The following FTCDNL1 variants were observed in gnomAD, a reference collection of about 807,000 sequenced individuals.
FTCDNL1 encodes the protein formiminotransferase cyclodeaminase N-terminal like.
FTCDNL1 carries 11 observed loss-of-function variants against 5.9 expected under a neutral mutation model. The ratio of observed to expected loss-of-function variants is 1.87; its 90% CI spans 1.18 to 3.10. The LOEUF is 3.10. FTCDNL1 is among the 30% of genes most tolerant of loss of function. The pLI is 0.00. For missense variants in FTCDNL1, 115 were observed against 65.5 expected, an observed-to-expected ratio of 1.76 and a Z score of -2.61; for synonymous variants, 58 against 24.8, an observed-to-expected ratio of 2.34 and a Z score of -3.99.
chr2:199,666,559 ACACT>A, the FTCDNL1 span, among the ~76,000 whole-genome samples: 2 of 152,170 alleles, frequency 1.3e-5, no homozygotes, highest in Non-Finnish European at 2.9e-5. Flanking sequence ...CCAATGCAAA[ACACT>A]CACAACTCTC....
At chr2:199,789,830 A>G (rs1310008925) in intron 3 of FTCDNL1, among the ~76,000 whole-genome samples, 3 of 152,140 alleles carry the variant, frequency 2.0e-5, no homozygotes, top group African/African-American at 7.2e-5. Context: ...TTAGAGATAG[A>G]AAACAGGAAA....
intron 2 of FTCDNL1, among the ~76,000 whole-genome samples, chr2:199,847,877 G>C (rs949642456): frequency 1.4e-4 from 21 of 152,314 alleles, no homozygotes; most frequent in Admixed American, 1.2e-3. Flanking sequence ...TTTCTTATCA[G>C]CAATTATCAG....
the FTCDNL1 span, among the ~76,000 whole-genome samples, chr2:199,737,610 T>G: frequency 6.6e-6 from 1 of 152,134 alleles, no homozygotes; most frequent in African/African-American, 2.4e-5. Context: ...TTTAGAGAGA[T>G]GAAATGTGTA....
At chr2:199,698,988 A>G in the FTCDNL1 span, among the ~76,000 whole-genome samples, 1 of 152,212 alleles carries the variant, frequency 6.6e-6, no homozygotes, top group African/African-American at 2.4e-5. Flanking sequence ...ATTAAGAACA[A>G]TTCTATGTAC....
the FTCDNL1 span, among the ~76,000 whole-genome samples, chr2:199,700,557 AT>A: frequency 6.6e-6 from 1 of 152,232 alleles, no homozygotes; most frequent in South Asian, 2.1e-4. Context: ...TAAAATTAAT[AT>A]GGAATCAAAA....
At chr2:199,760,606 G>C in exon 4 of FTCDNL1, 1 of 512,232 alleles carries the variant, frequency 2.0e-6, no homozygotes, top group Non-Finnish European at 3.5e-6. Context: ...AAGATACATG[G>C]GGAAACATTC....
the FTCDNL1 span, among the ~76,000 whole-genome samples, chr2:199,724,893 T>A: frequency 6.6e-6 from 1 of 152,126 alleles, no homozygotes; most frequent in Admixed American, 6.5e-5. Flanking sequence ...CAGATTTCCA[T>A]CAGGTTCACT....
the FTCDNL1 span, among the ~76,000 whole-genome samples, chr2:199,707,818 T>C: frequency 6.6e-6 from 1 of 152,110 alleles, no homozygotes; most frequent in African/African-American, 2.4e-5. Context: ...GTAATTTATG[T>C]CTTTGTTCAT....
the FTCDNL1 span, among the ~76,000 whole-genome samples, chr2:199,736,636 A>G: frequency 2.0e-5 from 3 of 152,232 alleles, no homozygotes; most frequent in Non-Finnish European, 4.4e-5. Flanking sequence ...CTTAGATTCA[A>G]TTAGAGAAGA....
the FTCDNL1 span, among the ~76,000 whole-genome samples, chr2:199,668,303 AT>A: frequency 3.2e-3 from 481 of 152,350 alleles, 2 homozygotes; most frequent in African/African-American, 0.011. Flanking sequence ...TTTTTCATAA[AT>A]AGGAGGGAGT....
At chr2:199,775,671 C>T (rs1047400694) in intron 3 of FTCDNL1, among the ~76,000 whole-genome samples, 2 of 152,172 alleles carry the variant, frequency 1.3e-5, no homozygotes, top group African/African-American at 4.8e-5. Context: ...TCATTCTCCA[C>T]TGTTCCCCCT....
intron 3 of FTCDNL1, among the ~76,000 whole-genome samples, chr2:199,843,952 GA>G (rs11363915): frequency 0.54 from 80,297 of 147,982 alleles, 21,738 homozygotes; most frequent in Middle Eastern, 0.59. Flanking sequence ...GGGAAAAAAG[GA>G]AAAAAAAAAA....
chr2:199,688,386 GACC>G, the FTCDNL1 span, among the ~76,000 whole-genome samples: 1 of 152,072 alleles, frequency 6.6e-6, no homozygotes, highest in Non-Finnish European at 1.5e-5. Flanking sequence ...AAGCTTCTTA[GACC>G]CCAGGAGCCA....
At chr2:199,793,800 T>G (rs927592226) in intron 3 of FTCDNL1, among the ~76,000 whole-genome samples, 1 of 152,176 alleles carries the variant, frequency 6.6e-6, no homozygotes, top group South Asian at 2.1e-4. Flanking sequence ...CACTAAAAAG[T>G]AGGGAAAATT....
At chr2:199,732,819 T>C in the FTCDNL1 span, among the ~76,000 whole-genome samples, 2 of 152,228 alleles carry the variant, frequency 1.3e-5, no homozygotes, top group African/African-American at 4.8e-5. Flanking sequence ...GGATAAGTGA[T>C]CAAGGGACAA....
chr2:199,731,699 TA>T, the FTCDNL1 span, among the ~76,000 whole-genome samples: 1 of 152,052 alleles, frequency 6.6e-6, no homozygotes, highest in Admixed American at 6.6e-5. Context: ...CCATCCCAGC[TA>T]AAACGGTGAA....
the FTCDNL1 span, among the ~76,000 whole-genome samples, chr2:199,741,197 G>A: frequency 6.6e-6 from 1 of 152,176 alleles, no homozygotes; most frequent in Non-Finnish European, 1.5e-5. Flanking sequence ...GATCGCTTGA[G>A]GCCAGGAGTT....
In FTCDNL1 at chr2:199,810,659, A is replaced by G. The variant is rs1011101198; in HGVS notation, c.*2046T>C. Among the ~76,000 whole-genome samples the G allele has an allele frequency of 1.3e-5, 2 of 152,346 alleles. No homozygotes were observed. Among genetic ancestry groups the G allele is most frequent in the African/African-American group, 4.8e-5 (2 of 41,592 alleles). ...CGTGGCTCTAATTATAGTTTACACTATAAGATGGACAACTTGGTTAAATTA... is the reference window on the plus strand; with the variant it reads ...CGTGGCTCTAATTATAGTTTACACTGTAAGATGGACAACTTGGTTAAATTA... On this transcript the variant is annotated 3_prime_UTR_variant, in exon 5 of 5. Coordinates refer to ENST00000420128, the MANE Select transcript of FTCDNL1 (RefSeq NM_001363886.2).
the FTCDNL1 span, among the ~76,000 whole-genome samples, chr2:199,669,171 T>A: frequency 6.6e-6 from 1 of 152,116 alleles, no homozygotes; most frequent in African/African-American, 2.4e-5. Flanking sequence ...TATCTTTCAA[T>A]TCAAGAATGA....
Sources: gnomAD v4.1 joint callset for allele counts (sites outside exome capture counted in the v4.1 genomes callset) on GRCh38, gnomAD v4.1.1 for gene constraint, MANE v1.5 for transcripts, NCBI Gene and HGNC (gene_info 2026-07-23, HGNC 2026-07-21) for gene names.